The following SERTM2 variants were observed in gnomAD, a reference collection of about 807,000 sequenced individuals.
SERTM2 encodes the protein serine rich and transmembrane domain containing 2.
chrX:111,513,845 A>G (rs1398987859), intron 2 of SERTM2, among the ~76,000 whole-genome samples: 1 of 111,677 alleles, frequency 9.0e-6, no homozygotes, highest in African/African-American at 3.2e-5. Flanking sequence ...AGCTGAGATC[A>G]TTGTTCTCTA....
intron 2 of SERTM2, among the ~76,000 whole-genome samples, chrX:111,513,131 A>G (rs1422645862): frequency 9.3e-6 from 1 of 107,038 alleles, no homozygotes; most frequent in Middle Eastern, 4.8e-3. Flanking sequence ...CTTTCTCAAT[A>G]TTACCTCCTT....
intron 2 of SERTM2, among the ~76,000 whole-genome samples, chrX:111,512,658 G>A (rs1026967485): frequency 8.9e-6 from 1 of 111,892 alleles, no homozygotes; most frequent in African/African-American, 3.2e-5. Flanking sequence ...ATAAATGTTT[G>A]CCAAAGAAAT....
At position 111,519,376 on chromosome X, in the gene SERTM2, C is replaced by A. The variant is rs899674323; in HGVS notation, c.*246C>A. ...GACAGCTGGTTGGGAGGGCTGGTTT[C>A]CATAGTAACCAAACAGTGCCTGGGC... On this transcript the variant is annotated 3_prime_UTR_variant, in exon 3 of 3. Transcript: ENST00000569275. 8 of 206,113 alleles carry A rather than the reference C, an allele frequency of 3.9e-5. No homozygotes were observed. Among genetic ancestry groups the A allele is most frequent in the Non-Finnish European group, 7.0e-5 (8 of 113,559 alleles). 17.0% of individuals were successfully genotyped at this position (206,113 alleles called of 1,213,427 possible).
intron 2 of SERTM2, among the ~76,000 whole-genome samples, chrX:111,515,368 T>C (rs1231403559): frequency 9.0e-6 from 1 of 111,710 alleles, no homozygotes; most frequent in Admixed American, 9.5e-5. Context: ...GTTACTACCA[T>C]TCTTAAGGAA....
chrX:111,515,863 A>T (rs1414034612), intron 2 of SERTM2, among the ~76,000 whole-genome samples: 2 of 110,656 alleles, frequency 1.8e-5, no homozygotes, highest in Non-Finnish European at 3.8e-5. Flanking sequence ...GGTGATTCTG[A>T]TGAAGGCACT....
chrX:111,517,594 G>C (rs1930336895), intron 2 of SERTM2, among the ~76,000 whole-genome samples: 1 of 110,926 alleles, frequency 9.0e-6, no homozygotes, highest in African/African-American at 3.3e-5. Context: ...CATGTAAATA[G>C]GGTCAACTAT....
At position 111,511,710 on chromosome X, in the gene SERTM2, G is replaced by A. The variant is rs1276234151; in HGVS notation, c.-1005G>A. ...CTGTTGCCTGCGAAAGAGGAACTGG[G>A]GACTTAGACTAATTCAGGCTGCTTT... On this transcript the variant is annotated 5_prime_UTR_variant, in exon 1 of 3. Transcript: ENST00000569275. 6.0e-6 allele frequency: 1 copy of A among 166,318 alleles called. No individual in the cohort carries two copies. The highest frequency in any genetic ancestry group is 1.1e-5 in the Non-Finnish European group (1 of 87,549). The allele number at this position is 166,318 out of a possible 1,213,427, so 13.7% of individuals were successfully genotyped here.
chrX:111,513,763 G>A (rs745686105), intron 2 of SERTM2, among the ~76,000 whole-genome samples: 1 of 111,615 alleles, frequency 9.0e-6, no homozygotes, highest in African/African-American at 3.2e-5. Context: ...AGACTGTAGA[G>A]GCTTTAAGAA....
intron 2 of SERTM2, among the ~76,000 whole-genome samples, chrX:111,516,366 ACT>A (rs1288585853): frequency 1.8e-5 from 2 of 109,468 alleles, no homozygotes; most frequent in Non-Finnish European, 3.8e-5. Flanking sequence ...CACCCATAAC[ACT>A]GTTTTAAATG....
rs749675989 is a variant in SERTM2, at chrX:111,518,432, G to A, written c.-426G>A. 22 of 117,616 alleles carry A rather than the reference G, an allele frequency of 1.9e-4. No individual in the cohort carries two copies. The highest frequency in any genetic ancestry group is 3.8e-4 in the Admixed American group (4 of 10,626). 9.7% of individuals were successfully genotyped at this position (117,616 alleles called of 1,213,427 possible). A position where few individuals can be genotyped will look rare whatever the true frequency, so the allele number is the denominator to read the frequency against. ...TAATTAGTCCACACATCTAGATTAG[G>A]TATAGGCAAAACGAGCCTTTTCTCC... is the stretch of plus-strand genomic sequence containing the variant. On this transcript the variant is annotated 5_prime_UTR_variant, in exon 3 of 3. Coordinates refer to ENST00000569275, the MANE Select transcript of SERTM2 (RefSeq NM_001354473.2).
chrX:111,514,730 C>T (rs1362773118), intron 2 of SERTM2, among the ~76,000 whole-genome samples: 1 of 111,735 alleles, frequency 8.9e-6, no homozygotes, highest in South Asian at 3.7e-4. Context: ...AGACTTCCAA[C>T]ATTTTATTTC....
chrX:111,512,428 T>G (rs746801200), intron 2 of SERTM2, among the ~76,000 whole-genome samples: 1 of 112,021 alleles, frequency 8.9e-6, no homozygotes, highest in African/African-American at 3.2e-5. Flanking sequence ...CCACTGAAGG[T>G]TTTCCTTAAC....
At chrX:111,512,164 A>T in intron 2 of SERTM2, 70 bp downstream of exon 2, 1 of 286,039 alleles carries the variant, frequency 3.5e-6, no homozygotes. Context: ...ATTTATCGGC[A>T]GGTGTGACAA....
intron 2 of SERTM2, among the ~76,000 whole-genome samples, chrX:111,512,539 A>G (rs916372585): frequency 2.7e-5 from 3 of 111,773 alleles, no homozygotes; most frequent in South Asian, 7.4e-4. Context: ...CATGTTAAAG[A>G]AAATAAAAGT....
intron 2 of SERTM2, among the ~76,000 whole-genome samples, chrX:111,515,388 T>A (rs1024070212): frequency 4.5e-5 from 5 of 111,714 alleles, no homozygotes; most frequent in African/African-American, 1.3e-4. Context: ...AAGGAGCTGC[T>A]GGGAGAAGTG....
At position 111,518,912 on chromosome X, in the gene SERTM2, C is replaced by T; in HGVS notation, c.55C>T (p.Pro19Ser). 3.4e-6 allele frequency: 1 copy of T among 297,676 alleles called. No individual in the cohort carries two copies. Among genetic ancestry groups the T allele is most frequent in the Non-Finnish European group, 5.9e-6 (1 of 170,161 alleles). The allele number at this position is 297,676 out of a possible 1,213,427, so 24.5% of individuals were successfully genotyped here. A position where few individuals can be genotyped will look rare whatever the true frequency, so the allele number is the denominator to read the frequency against. The change falls in exon 3 of 3, where the codon CCC becomes TCC. Residue 19 changes from proline (P) to serine (S), a missense_variant. Transcript: ENST00000569275. ...AAATCTCACTGGGCGTGCCCATTTT[C>T]CCACTCTGGCAACAGAGGTTGATAC... ...HGNLTGRAHF[P>S]TLATEVDTSS...
rs1001208759 is a variant in SERTM2, at chrX:111,518,090, T to C, written c.-768T>C. 9.0e-6 allele frequency: 1 copy of C among 111,721 alleles called. No individual in the cohort carries two copies. The highest frequency in any genetic ancestry group is 1.9e-5 in the Non-Finnish European group (1 of 53,120). 9.2% of individuals were successfully genotyped at this position (111,721 alleles called of 1,213,427 possible). On this transcript the variant is annotated 5_prime_UTR_variant, in exon 3 of 3. Transcript: ENST00000569275. ...TGATTTTCAGGAAAATCAATATCTG[T>C]TGGAGAATCTGAAGAGCCAAATCTC...
chrX:111,517,279 C>T (rs1250473858), intron 2 of SERTM2, among the ~76,000 whole-genome samples: 1 of 111,337 alleles, frequency 9.0e-6, no homozygotes, highest in Non-Finnish European at 1.9e-5. Flanking sequence ...TAACAATTGT[C>T]ACTGGGATCT....
intron 2 of SERTM2, 37 bp downstream of exon 2, chrX:111,512,131 G>A (rs1340326153): frequency 3.4e-5 from 10 of 290,530 alleles, no homozygotes; most frequent in Non-Finnish European, 5.4e-5. Context: ...TGTTAATCCC[G>A]GTGAAGTGAG....
Sources: allele counts gnomAD v4.1 joint callset (sites outside exome capture counted in the v4.1 genomes callset), GRCh38; gene constraint gnomAD v4.1.1; transcripts MANE v1.5; gene names NCBI Gene and HGNC (gene_info 2026-07-23, HGNC 2026-07-21).